Variants in FGF12 observed in about 807,000 individuals in gnomAD.
FGF12 encodes the protein fibroblast growth factor 12B.
FGF12 carries 14 observed loss-of-function variants against 23.6 expected under a neutral mutation model. The ratio of observed to expected loss-of-function variants is 0.59; its 90% CI spans 0.39 to 0.93. FGF12 has a LOEUF of 0.93. Ranked by LOEUF, FGF12 falls within the 40% of genes least tolerant of loss-of-function variation. The pLI, the probability that FGF12 is intolerant of heterozygous loss-of-function variation, is 0.00. For synonymous variants in FGF12, 62 were observed against 77.3 expected (o/e 0.80, Z 1.04); for missense variants, 175 against 217.8 (o/e 0.80, Z 1.24).
intron 2 of FGF12, among the ~76,000 whole-genome samples, chr3:192,596,971 T>A (rs1713884034): frequency 6.6e-6 from 1 of 152,212 alleles, no homozygotes. Context: ...ATTGACCAGC[T>A]ATGATACCTT....
intron 2 of FGF12, among the ~76,000 whole-genome samples, chr3:192,495,070 A>G (rs1324437486): frequency 6.6e-6 from 1 of 152,130 alleles, no homozygotes; most frequent in African/African-American, 2.4e-5. Context: ...CATCTTGGCC[A>G]GGCTGGTCTT....
chr3:192,644,065 G>C (rs12638325), intron 2 of FGF12, among the ~76,000 whole-genome samples: 88,061 of 152,000 alleles, frequency 0.58, 25,881 homozygotes, highest in East Asian at 0.67. Flanking sequence ...AGCGACTTAC[G>C]CAGCATTAAG....
intron 2 of FGF12, among the ~76,000 whole-genome samples, chr3:192,430,288 C>G (rs569191593): frequency 6.6e-6 from 1 of 152,100 alleles, no homozygotes; most frequent in African/African-American, 2.4e-5. Flanking sequence ...CTGTATTATT[C>G]TTCTTGTATG....
intron 2 of FGF12, among the ~76,000 whole-genome samples, chr3:192,547,851 T>C (rs978085564): frequency 1.3e-5 from 2 of 152,228 alleles, no homozygotes; most frequent in Admixed American, 1.3e-4. Context: ...GTTTTTTCTA[T>C]AGCTTCTGTT....
chr3:192,726,855 CA>C (rs1159280290), intron 2 of FGF12: 1 of 389,026 alleles, frequency 2.6e-6, no homozygotes, highest in Non-Finnish European at 4.7e-6. Context: ...TGAGTCCATC[CA>C]TTATACAGAA....
At chr3:192,338,426 T>C (rs774848418) in intron 3 of FGF12, among the ~76,000 whole-genome samples, 1 of 152,164 alleles carries the variant, frequency 6.6e-6, no homozygotes, top group Non-Finnish European at 1.5e-5. Flanking sequence ...TTCTAACATA[T>C]CCTGCAACCA....
chr3:192,659,343 A>T (rs992537175), intron 2 of FGF12, among the ~76,000 whole-genome samples: 1 of 152,184 alleles, frequency 6.6e-6, no homozygotes, highest in Non-Finnish European at 1.5e-5. Flanking sequence ...ACAGTTTTTC[A>T]GCACCCAGGA....
intron 2 of FGF12, among the ~76,000 whole-genome samples, chr3:192,458,260 G>A (rs1722741514): frequency 6.6e-6 from 1 of 152,196 alleles, no homozygotes; most frequent in Admixed American, 6.5e-5. Context: ...TAGTAGAGCT[G>A]TGAGAAGAGG....
At chr3:192,524,636 C>T (rs186894061) in intron 2 of FGF12, among the ~76,000 whole-genome samples, 36 of 152,276 alleles carry the variant, frequency 2.4e-4, no homozygotes, top group African/African-American at 8.4e-4. Context: ...CACAAGTGTA[C>T]GTATGTATAT....
intron 3 of FGF12, among the ~76,000 whole-genome samples, chr3:192,349,777 G>A (rs1994855): frequency 0.42 from 63,475 of 151,912 alleles, 16,942 homozygotes; most frequent in African/African-American, 0.73. Context: ...TCATTCTCAA[G>A]ACAAAATGCA....
intron 2 of FGF12, among the ~76,000 whole-genome samples, chr3:192,638,961 GCATTT>G (rs1715686109): frequency 6.6e-6 from 1 of 152,116 alleles, no homozygotes; most frequent in Admixed American, 6.6e-5. Flanking sequence ...GGCTTTCCCT[GCATTT>G]AATGCTTTTG....
intron 3 of FGF12, among the ~76,000 whole-genome samples, chr3:192,359,718 C>A (rs896695185): frequency 6.6e-6 from 1 of 152,046 alleles, no homozygotes; most frequent in Non-Finnish European, 1.5e-5. Context: ...AACTTGTCAA[C>A]TCTAAAGTTA....
In FGF12 at chr3:192,404,462, C is replaced by T. The variant is rs568100988; in HGVS notation, c.14-43924G>A. ...TAGTCAATCATTTGTACTATTGTTT[C>T]TACTCAAAATAAAGCTAAAGGTTGG... On this transcript the variant is annotated intron_variant, in intron 2 of 5. Coordinates refer to ENST00000445105, the MANE Select transcript of FGF12 (RefSeq NM_004113.6). Among the ~76,000 whole-genome samples, 93 of 152,202 alleles carry T rather than the reference C, an allele frequency of 6.1e-4. 1 individual carries two copies. The South Asian group carries it at 0.013, about 22-fold the overall frequency.
At chr3:192,352,887 T>C (rs1718288630) in intron 3 of FGF12, among the ~76,000 whole-genome samples, 1 of 152,214 alleles carries the variant, frequency 6.6e-6, no homozygotes, top group African/African-American at 2.4e-5. Context: ...ACTCTCTAGA[T>C]CTTTAAACAC....
chr3:192,392,456 C>CA (rs1335106961), intron 2 of FGF12, among the ~76,000 whole-genome samples: 1 of 107,270 alleles, frequency 9.3e-6, no homozygotes, highest in African/African-American at 3.6e-5. Context: ...TAAAGCTGGG[C>CA]ATGGTGGCGC....
intron 2 of FGF12, among the ~76,000 whole-genome samples, chr3:192,677,173 G>C (rs914811979): frequency 2.0e-5 from 3 of 152,184 alleles, no homozygotes; most frequent in African/African-American, 7.2e-5. Flanking sequence ...AAGACGGCCT[G>C]TCAAACAGTG....
At chr3:192,164,645 A>C (rs1715060371) in intron 5 of FGF12, among the ~76,000 whole-genome samples, 1 of 151,836 alleles carries the variant, frequency 6.6e-6, no homozygotes, top group African/African-American at 2.4e-5. Context: ...ACCCAAAGCC[A>C]AAAAAAACCC....
intron 2 of FGF12, among the ~76,000 whole-genome samples, chr3:192,713,424 T>C (rs192018039): frequency 6.6e-6 from 1 of 152,272 alleles, no homozygotes; most frequent in African/African-American, 2.4e-5. Context: ...ACAATATACT[T>C]TGTATAACTG....
rs148370544 is a variant in FGF12, at chr3:192,675,321, T to A, written c.13+51860A>T. On this transcript the variant is annotated intron_variant, in intron 2 of 5. Transcript: ENST00000445105. Reference sequence around the variant, plus strand: ...TAAGCAAAAAAAAAAAAGTCCTACTTTTTTTTTCAAGTGAGGCTAAGAAAA... The same window carrying A: ...TAAGCAAAAAAAAAAAAGTCCTACTATTTTTTTCAAGTGAGGCTAAGAAAA... 2.3e-4 allele frequency among the ~76,000 whole-genome samples: 35 copies of A among 151,992 alleles called. No individual in the cohort carries two copies. In the East Asian group the frequency reaches 6.2e-3, roughly 27 times the overall value.
Sources: allele counts gnomAD v4.1 joint callset (sites outside exome capture counted in the v4.1 genomes callset), GRCh38; gene constraint gnomAD v4.1.1; transcripts MANE v1.5; gene names NCBI Gene and HGNC (gene_info 2026-07-23, HGNC 2026-07-21).